Variants in PDZRN3 observed in about 807,000 individuals in gnomAD.
PDZRN3 encodes E3 ubiquitin-protein ligase PDZRN3.
PDZRN3 carries 38 observed loss-of-function variants against 85.7 expected under a neutral mutation model. The observed-to-expected ratio is 0.44, with a 90% CI of 0.34 to 0.58. The LOEUF is 0.58. PDZRN3 is among the 20% of genes least tolerant of loss of function. PDZRN3 has a pLI of 0.01. For synonymous variants in PDZRN3, 759 were observed against 638.0 expected, an observed-to-expected ratio of 1.19 and a Z score of -2.86; for missense variants, 1,629 against 1,506.4, an observed-to-expected ratio of 1.08 and a Z score of -1.35.
chr3:73,430,516 G>C (rs72884244), intron 3 of PDZRN3, among the ~76,000 whole-genome samples: 4,695 of 152,272 alleles, frequency 0.031, 237 homozygotes, highest in African/African-American at 0.11. Context: ...GTGGCACTCT[G>C]TTCCCCTCTT....
chr3:73,438,687 C>T (rs954074971), intron 3 of PDZRN3, among the ~76,000 whole-genome samples: 16 of 152,264 alleles, frequency 1.1e-4, no homozygotes, highest in African/African-American at 3.6e-4. Flanking sequence ...CTGGATCACA[C>T]AGATTCACTA....
At chr3:73,598,482 A>AC (rs1286828284) in intron 3 of PDZRN3, among the ~76,000 whole-genome samples, 11 of 152,338 alleles carry the variant, frequency 7.2e-5, no homozygotes, top group African/African-American at 2.6e-4. Context: ...CAGGGAAGAC[A>AC]CAAAAAAATC....
chr3:73,396,219 C>CA (rs35583623), intron 5 of PDZRN3, among the ~76,000 whole-genome samples: 8,237 of 147,006 alleles, frequency 0.056, 739 homozygotes, highest in African/African-American at 0.19. Context: ...AGTCTCAAAA[C>CA]AAACAAAAAA....
chr3:73,600,337 A>ACACTCT lies in PDZRN3; in HGVS notation c.918+2016_918+2017insAGAGTG, dbSNP rs34405662. Among the ~76,000 whole-genome samples, 540 of 100,068 alleles carry ACACTCT rather than the reference A, an allele frequency of 5.4e-3. 5 individuals are homozygous for ACACTCT. Among genetic ancestry groups the ACACTCT allele is most frequent in the African/African-American group, 0.013 (299 of 23,432 alleles). The allele number at this position is 100,068 out of a possible 152,430, so 65.6% of individuals were successfully genotyped here. On this transcript the variant is annotated intron_variant, in intron 3 of 9. Coordinates refer to ENST00000263666, the MANE Select transcript of PDZRN3 (RefSeq NM_015009.3). ...CACACACACACACACACACACACAC[A>ACACTCT]CTCTCTCTCTCTCTCTCTCTCTCTC...
In PDZRN3 at chr3:73,385,624, C is replaced by T. The variant is rs1701361827; in HGVS notation, c.1635+45G>A. 3 of 1,185,260 alleles carry T rather than the reference C, an allele frequency of 2.5e-6. No individual in the cohort carries two copies. The East Asian group carries it at 7.0e-5, about 28-fold the overall frequency. The allele number at this position is 1,185,260 out of a possible 1,614,324, so 73.4% of individuals were successfully genotyped here. On this transcript the variant is annotated intron_variant, in intron 9 of 9. Coordinates refer to ENST00000263666, the MANE Select transcript of PDZRN3 (RefSeq NM_015009.3). ...GAGATGGAGGAAGCAGATTTTCCTC[C>T]AGCTCAGCAGGGCAGAGTGTCAGGG...
intron 3 of PDZRN3, chr3:73,408,383 C>G (rs1701896907): frequency 1.7e-6 from 1 of 596,364 alleles, no homozygotes; most frequent in African/African-American, 1.9e-5. Flanking sequence ...CGTGGGGATC[C>G]TGTAGTAGAA....
At chr3:73,486,523 G>A (rs1477412137) in intron 3 of PDZRN3, among the ~76,000 whole-genome samples, 2 of 152,166 alleles carry the variant, frequency 1.3e-5, no homozygotes, top group African/African-American at 4.8e-5. Flanking sequence ...TCTGTGTAGG[G>A]TAATGAAAAG....
At chr3:73,574,551 C>A (rs182152545) in intron 3 of PDZRN3, among the ~76,000 whole-genome samples, 4 of 152,002 alleles carry the variant, frequency 2.6e-5, no homozygotes, top group African/African-American at 9.7e-5. Flanking sequence ...CTCCACCTCC[C>A]GTGTTCAAGC....
At chr3:73,562,043 T>C (rs866585703) in intron 3 of PDZRN3, among the ~76,000 whole-genome samples, 1 of 152,098 alleles carries the variant, frequency 6.6e-6, no homozygotes, top group African/African-American at 2.4e-5. Flanking sequence ...AGGAAATTCA[T>C]AAATTCTGGT....
intron 3 of PDZRN3, among the ~76,000 whole-genome samples, chr3:73,501,864 A>AATTT (rs1481805009): frequency 6.6e-6 from 1 of 152,036 alleles, no homozygotes; most frequent in East Asian, 1.9e-4. Context: ...AAAATACAAA[A>AATTT]AATTAGCCGG....
chr3:73,455,518 T>C (rs550441594), intron 3 of PDZRN3, among the ~76,000 whole-genome samples: 3 of 152,226 alleles, frequency 2.0e-5, no homozygotes, highest in Non-Finnish European at 2.9e-5. Context: ...GTGCCACTTA[T>C]AGAAATCTAC....
At chr3:73,618,925 C>T (rs1292346131) in intron 1 of PDZRN3, among the ~76,000 whole-genome samples, 2 of 152,172 alleles carry the variant, frequency 1.3e-5, no homozygotes, top group African/African-American at 4.8e-5. Flanking sequence ...AGGAGCTTTT[C>T]AGAAACAAAA....
At chr3:73,610,105 A>G (rs1421930085) in intron 1 of PDZRN3, among the ~76,000 whole-genome samples, 1 of 152,220 alleles carries the variant, frequency 6.6e-6, no homozygotes, top group Non-Finnish European at 1.5e-5. Context: ...CTTTCTTGTG[A>G]GCCTCAACAT....
chr3:73,416,191 G>GT (rs1702078800), intron 3 of PDZRN3, among the ~76,000 whole-genome samples: 1 of 152,008 alleles, frequency 6.6e-6, no homozygotes, highest in Non-Finnish European at 1.5e-5. Flanking sequence ...CCCTCCCACC[G>GT]TAAGCGCTCC....
chr3:73,388,365 T>C (rs1280770672), intron 7 of PDZRN3, among the ~76,000 whole-genome samples: 1 of 151,858 alleles, frequency 6.6e-6, no homozygotes, highest in Non-Finnish European at 1.5e-5. Flanking sequence ...CTGAGAAAAA[T>C]CATAATGCTC....
At chr3:73,523,462 T>C (rs1704446581) in intron 3 of PDZRN3, among the ~76,000 whole-genome samples, 1 of 152,122 alleles carries the variant, frequency 6.6e-6, no homozygotes, top group Non-Finnish European at 1.5e-5. Context: ...GCTATATATA[T>C]ATATGTACAC....
intron 3 of PDZRN3, among the ~76,000 whole-genome samples, chr3:73,495,995 A>G (rs1404356031): frequency 1.3e-5 from 2 of 151,634 alleles, no homozygotes; most frequent in Non-Finnish European, 2.9e-5. Flanking sequence ...TCAGCACCAT[A>G]TATCTGTTCT....
Position 73,458,553 on chromosome 3 carries a change from A to G in PDZRN3, c.919-54158T>C, listed in dbSNP as rs556367345. Among the ~76,000 whole-genome samples the G allele has an allele frequency of 3.4e-5, 5 of 148,302 alleles. 1 individual carries two copies. The South Asian group carries it at 1.1e-3, about 33-fold the overall frequency. ...CTAGCATTTATTGAACACTTATTAC[A>G]TACTAGATACAATGCTAGGAAACTG... On this transcript the variant is annotated intron_variant, in intron 3 of 9. Coordinates refer to ENST00000263666, the MANE Select transcript of PDZRN3 (RefSeq NM_015009.3).
intron 3 of PDZRN3, among the ~76,000 whole-genome samples, chr3:73,557,690 T>G (rs1701731755): frequency 6.6e-6 from 1 of 152,208 alleles, no homozygotes; most frequent in South Asian, 2.1e-4. Flanking sequence ...GGTTGTGTCT[T>G]ATGTCTTATG....
Sources: gnomAD v4.1 joint callset for allele counts (sites outside exome capture counted in the v4.1 genomes callset) on GRCh38, gnomAD v4.1.1 for gene constraint, MANE v1.5 for transcripts, NCBI Gene and HGNC (gene_info 2026-07-23, HGNC 2026-07-21) for gene names.